Variants in KLF11 observed in about 807,000 individuals in gnomAD.
KLF11 encodes the protein Krueppel-like factor 11.
KLF11 carries 26 observed loss-of-function variants against 29.9 expected under a neutral mutation model. The observed-to-expected ratio is 0.87, with a 90% CI of 0.64 to 1.21. The LOEUF is 1.21. Among genes scored for constraint, KLF11 ranks in the 50% most tolerant of loss-of-function variants. The probability of loss-of-function intolerance (pLI) is 0.00; values close to 1 mark genes in which losing one functional copy is unlikely to be tolerated. For synonymous variants in KLF11, 318 were observed against 257.4 expected (o/e 1.24, Z -2.25); for missense variants, 778 against 665.7 (o/e 1.17, Z -1.86).
chr2:10,048,187 CCT>C lies in KLF11; in HGVS notation c.851_852del (p.Pro284ArgfsTer13). 1 of 1,614,230 alleles carries C rather than the reference CCT, an allele frequency of 6.2e-7. No homozygotes were observed. Among genetic ancestry groups the C allele is most frequent in the Non-Finnish European group, 8.5e-7 (1 of 1,180,036 alleles). ...GATTTCTGTCTCTGTCCCTGCTCCC[CCT>C]GTCCTTTGCCAGATGATCCCTGTGA... ...PLISVSVPAP[P>X]VLCQMIPVTG... is the part of the protein sequence containing the mutation. On this transcript the variant is annotated frameshift_variant, in exon 3 of 4. Transcript: ENST00000305883. LOFTEE classifies it high-confidence loss of function.
In KLF11 at chr2:10,052,425, A is replaced by G. The variant is rs906288393; in HGVS notation, c.1457A>G (p.Gln486Arg). ...ACGACCAAGAAGATCCCAGGCTGGC[A>G]GGCAGAGGTTGGCAAGCTGAACAGA... ...HMTTKKIPGW[Q>R]AEVGKLNRIA... The change falls in exon 4 of 4, where the codon CAG becomes CGG. Residue 486 changes from glutamine to arginine, a missense_variant. Gln to Arg is a conservative substitution (Grantham distance 43). Coordinates refer to ENST00000305883, the MANE Select transcript of KLF11 (RefSeq NM_003597.5). The G allele has an allele frequency of 2.5e-6, 4 of 1,614,074 alleles. No individual in the cohort carries two copies. Among genetic ancestry groups the G allele is most frequent in the Non-Finnish European group, 3.4e-6 (4 of 1,180,046 alleles).
chr2:10,051,631 C>T (rs908838160), intron 3 of KLF11, among the ~76,000 whole-genome samples: 1 of 152,140 alleles, frequency 6.6e-6, no homozygotes, highest in South Asian at 2.1e-4. Flanking sequence ...CATTCTCCTG[C>T]CTTAGCCTCC....
rs546780849 is a variant in KLF11 at position 10,054,176 on chromosome 2, C to G, written c.*1669C>G. 13 of 152,290 alleles carry G rather than the reference C, an allele frequency of 8.5e-5. No individual in the cohort carries two copies. Among genetic ancestry groups the G allele is most frequent in the African/African-American group, 3.1e-4 (13 of 41,548 alleles). 9.4% of individuals were successfully genotyped at this position (152,290 alleles called of 1,614,324 possible). A position where few individuals can be genotyped will look rare whatever the true frequency, so the allele number is the denominator to read the frequency against. ...AGTGTCGTGTCTTCGTGAGACAGCA[C>G]AGTTGTCTCATGTTGTGCATAGTTC... On this transcript the variant is annotated 3_prime_UTR_variant, in exon 4 of 4. Coordinates refer to ENST00000305883, the MANE Select transcript of KLF11 (RefSeq NM_003597.5).
chr2:10,043,649 C>A lies in KLF11; in HGVS notation c.-68C>A. 8.7e-7 allele frequency: 1 copy of A among 1,150,890 alleles called. No homozygotes were observed. Among genetic ancestry groups the A allele is most frequent in the South Asian group, 1.8e-5 (1 of 54,514 alleles). 71.3% of individuals were successfully genotyped at this position (1,150,890 alleles called of 1,614,324 possible). ...CGCCGCCGCCGCCGCCCGCAGCCCA[C>A]GTGCGGCCGCTGCTGCGCCCGAGCT... On this transcript the variant is annotated 5_prime_UTR_variant, in exon 1 of 4. Transcript: ENST00000305883.
At chr2:10,045,387 C>G (rs892025216) in intron 1 of KLF11, among the ~76,000 whole-genome samples, 1 of 151,890 alleles carries the variant, frequency 6.6e-6, no homozygotes, top group Non-Finnish European at 1.5e-5. Flanking sequence ...TAGCAAAACT[C>G]TCTTTCTACT....
chr2:10,052,753 T>G lies in KLF11; in HGVS notation c.*246T>G. 2.0e-6 allele frequency: 1 copy of G among 494,338 alleles called. No individual in the cohort carries two copies. Among genetic ancestry groups the G allele is most frequent in the Non-Finnish European group, 3.6e-6 (1 of 279,986 alleles). The allele number at this position is 494,338 out of a possible 1,614,324, so 30.6% of individuals were successfully genotyped here. A position where few individuals can be genotyped will look rare whatever the true frequency, so the allele number is the denominator to read the frequency against. On this transcript the variant is annotated 3_prime_UTR_variant, in exon 4 of 4. Coordinates refer to ENST00000305883, the MANE Select transcript of KLF11 (RefSeq NM_003597.5). ...TTTTTTTAAAGAAATGGTAGAAAATTTGATAATCTGAATCACCAGCATTCA... is the reference window on the plus strand; with the variant it reads ...TTTTTTTAAAGAAATGGTAGAAAATGTGATAATCTGAATCACCAGCATTCA...
rs190978874 is a variant in KLF11, at chr2:10,051,916, G to A, written c.1259-311G>A. On this transcript the variant is annotated intron_variant, in intron 3 of 3. Coordinates refer to ENST00000305883, the MANE Select transcript of KLF11 (RefSeq NM_003597.5). The stretch of plus-strand genomic sequence containing the variant: ...CTGGAACTCCTGTGCTCAACTGATC[G>A]TCTCCAGCCTCCCAAAGTGCTGCGA... Among the ~76,000 whole-genome samples, 292 of 152,206 alleles carry A rather than the reference G, an allele frequency of 1.9e-3. 3 individuals carry two copies. Among genetic ancestry groups the A allele is most frequent in the African/African-American group, 6.9e-3 (287 of 41,518 alleles).
chr2:10,046,576 G>C (rs1661211426), intron 2 of KLF11, among the ~76,000 whole-genome samples, 157 bp downstream of exon 2: 1 of 152,178 alleles, frequency 6.6e-6, no homozygotes, highest in African/African-American at 2.4e-5. Context: ...TCTTCCTTTG[G>C]CCAGGCATGG....
At chr2:10,043,842 TA>T in intron 1 of KLF11, 84 bp downstream of exon 1, 1 of 1,275,712 alleles carries the variant, frequency 7.8e-7, no homozygotes, top group Non-Finnish European at 1.0e-6. Context: ...CGCGCGCCTG[TA>T]AATGCGGGAG....
chr2:10,046,132 G>A lies in KLF11; in HGVS notation c.43-18G>A. The A allele has an allele frequency of 6.2e-7, 1 of 1,613,016 alleles. No individual in the cohort carries two copies. On this transcript the variant is annotated intron_variant, in intron 1 of 3. Coordinates refer to ENST00000305883, the MANE Select transcript of KLF11 (RefSeq NM_003597.5). Reference sequence around the variant, plus strand: ...ATTTCCCCTGCACTGAGAAGCCGTTGTGTTGTGTCGCCTTTAGGTTGACAT... The same window carrying A: ...ATTTCCCCTGCACTGAGAAGCCGTTATGTTGTGTCGCCTTTAGGTTGACAT...
intron 3 of KLF11, among the ~76,000 whole-genome samples, 196 bp downstream of exon 3, chr2:10,048,791 A>G (rs1158721704): frequency 1.3e-5 from 2 of 152,230 alleles, no homozygotes; most frequent in South Asian, 4.1e-4. Flanking sequence ...GATTTTGCCT[A>G]CAGAGCGCTC....
chr2:10,048,934 GAAAA>G (rs1661321630), intron 3 of KLF11, among the ~76,000 whole-genome samples: 1 of 105,782 alleles, frequency 9.5e-6, no homozygotes, highest in Non-Finnish European at 1.9e-5. Context: ...TTTTTTTAAA[GAAAA>G]CATGCATTCA....
chr2:10,044,894 C>T (rs1419472161), intron 1 of KLF11, among the ~76,000 whole-genome samples: 3 of 152,128 alleles, frequency 2.0e-5, no homozygotes, highest in East Asian at 1.9e-4. Flanking sequence ...GTCTGTAATC[C>T]CAGCACTCTG....
Position 10,053,720 on chromosome 2 carries a change from A to G in KLF11, c.*1213A>G, listed in dbSNP as rs546695159. On this transcript the variant is annotated 3_prime_UTR_variant, in exon 4 of 4. Coordinates refer to ENST00000305883, the MANE Select transcript of KLF11 (RefSeq NM_003597.5). ...GAATGGTGTGTTTTACAGTCTACCT[A>G]GAAAATAGATGGACAATATTTTTCA... 7.2e-6 allele frequency: 2 copies of G among 278,590 alleles called. No individual in the cohort carries two copies. Among genetic ancestry groups the G allele is most frequent in the Admixed American group, 5.3e-5 (1 of 19,038 alleles). The allele number at this position is 278,590 out of a possible 1,614,324, so 17.3% of individuals were successfully genotyped here. A position where few individuals can be genotyped will look rare whatever the true frequency, so the allele number is the denominator to read the frequency against.
chr2:10,044,506 G>T (rs1661117545), intron 1 of KLF11: 6 of 926,938 alleles, frequency 6.5e-6, no homozygotes, highest in Non-Finnish European at 7.7e-6. Context: ...TAGTGGCGCA[G>T]CCTGCGGGAC....
intron 1 of KLF11, chr2:10,044,200 C>G (rs1355747472): frequency 7.8e-5 from 71 of 906,056 alleles, no homozygotes; most frequent in Middle Eastern, 1.1e-3. Context: ...GGGTTAAGAG[C>G]GGCTAGCGGT....
intron 1 of KLF11, among the ~76,000 whole-genome samples, chr2:10,044,850 A>G (rs1661138083): frequency 6.6e-6 from 1 of 151,920 alleles, no homozygotes; most frequent in African/African-American, 2.4e-5. Flanking sequence ...CCTCCAGATT[A>G]AAGAGACGGT....
chr2:10,054,138 C>G lies in KLF11; in HGVS notation c.*1631C>G, dbSNP rs1193778097. 1 of 152,174 alleles carries G rather than the reference C, an allele frequency of 6.6e-6. No homozygotes were observed. Among genetic ancestry groups the G allele is most frequent in the Non-Finnish European group, 1.5e-5 (1 of 68,038 alleles). 9.4% of individuals were successfully genotyped at this position (152,174 alleles called of 1,614,324 possible). A position where few individuals can be genotyped will look rare whatever the true frequency, so the allele number is the denominator to read the frequency against. On this transcript the variant is annotated 3_prime_UTR_variant, in exon 4 of 4. Transcript: ENST00000305883. Reference sequence around the variant, plus strand: ...GTTATTCAGAGGTTTTCAGTCTGGACACTCCATAGGTGAGTGTCGTGTCTT... The same window carrying G: ...GTTATTCAGAGGTTTTCAGTCTGGAGACTCCATAGGTGAGTGTCGTGTCTT...
intron 3 of KLF11, among the ~76,000 whole-genome samples, chr2:10,050,891 C>CATTTTTTTTTTTTTTTTTTT (rs1558350563): frequency 2.4e-5 from 1 of 42,038 alleles, no homozygotes; most frequent in African/African-American, 7.5e-5. Context: ...ATAGATGCTA[C>CATTTTTTTTTTTTTTTTTTT]CTTTTTTTTT....
Sources: gnomAD v4.1 joint callset for allele counts (sites outside exome capture counted in the v4.1 genomes callset) on GRCh38, gnomAD v4.1.1 for gene constraint, MANE v1.5 for transcripts, NCBI Gene and HGNC (gene_info 2026-07-23, HGNC 2026-07-21) for gene names.